SHANK2: variants seen among roughly 807,000 people sequenced by gnomAD.
The protein encoded by SHANK2 is SH3 and multiple ankyrin repeat domains protein 2.
SHANK2 carries 43 observed loss-of-function variants against 133.7 expected under a neutral mutation model. The ratio of observed to expected loss-of-function variants is 0.32; its 90% CI spans 0.25 to 0.41. SHANK2 has a LOEUF of 0.41. Ranked by LOEUF, SHANK2 falls within the 10% of genes least tolerant of loss-of-function variation. SHANK2 has a pLI of 1.00. For missense variants in SHANK2, 1,994 were observed against 2,235.8 expected (o/e 0.89, Z 2.18); for synonymous variants, 1,017 against 952.8 (o/e 1.07, Z -1.24).
In SHANK2 at chr11:70,804,352, G is replaced by T. The variant is rs985762097; in HGVS notation, c.1663+2650C>A. Among the ~76,000 whole-genome samples, 1 of 152,230 alleles carries T rather than the reference G, an allele frequency of 6.6e-6. No homozygotes were observed. The highest frequency in any genetic ancestry group is 1.5e-5 in the Non-Finnish European group (1 of 68,034). On this transcript the variant is annotated intron_variant, in intron 13 of 25. Coordinates refer to ENST00000601538, the MANE Select transcript of SHANK2 (RefSeq NM_012309.5). The surrounding 1 kb of genome is among the most constrained non-coding windows in gnomAD (Gnocchi z 4.1). ...CGACAGCTCGGCAGGAAGGAAGAGC[G>T]GTGCCACTGGCAGCAGGAAGGGGCT...
At chr11:70,616,692 G>A (rs1411356857) in intron 17 of SHANK2, among the ~76,000 whole-genome samples, 1 of 152,170 alleles carries the variant, frequency 6.6e-6, no homozygotes, top group Non-Finnish European at 1.5e-5. Flanking sequence ...GGGATCTGAG[G>A]CCTCCGGAGG....
At chr11:70,675,432 C>T (rs2134352872) in intron 15 of SHANK2, among the ~76,000 whole-genome samples, 1 of 152,292 alleles carries the variant, frequency 6.6e-6, no homozygotes, top group African/African-American at 2.4e-5. Flanking sequence ...GTGATTTGCA[C>T]CAGAACACAG....
At chr11:70,504,851 C>A (rs566784087) in intron 17 of SHANK2, among the ~76,000 whole-genome samples, 57 of 152,232 alleles carry the variant, frequency 3.7e-4, no homozygotes, top group African/African-American at 1.3e-3. Flanking sequence ...TACAGACAGG[C>A]AACCGAACAC....
chr11:71,152,394 G>A lies in SHANK2; in HGVS notation c.-12-5056C>T, dbSNP rs1307556094. Among the ~76,000 whole-genome samples the A allele has an allele frequency of 2.5e-4, 38 of 152,300 alleles. No homozygotes were observed. The East Asian group carries it at 2.5e-3, about 10-fold the overall frequency. ...CTCCCAAAGTGTTGGGATTACAGGCGTGAGCCACCGCGCCTGGCCAGAAAT... is the reference window on the plus strand; with the variant it reads ...CTCCCAAAGTGTTGGGATTACAGGCATGAGCCACCGCGCCTGGCCAGAAAT... On this transcript the variant is annotated intron_variant, in intron 2 of 25. Coordinates refer to ENST00000601538, the MANE Select transcript of SHANK2 (RefSeq NM_012309.5).
chr11:70,943,920 T>C (rs1950683063), intron 10 of SHANK2: 1 of 456,510 alleles, frequency 2.2e-6, no homozygotes, highest in Non-Finnish European at 4.4e-6. Flanking sequence ...CCGTCTTGAT[T>C]TCCTTCTGTT....
At chr11:70,540,608 C>G (rs1456640012) in intron 17 of SHANK2, among the ~76,000 whole-genome samples, 1 of 152,156 alleles carries the variant, frequency 6.6e-6, no homozygotes, top group African/African-American at 2.4e-5. Context: ...TCAGCCCCAC[C>G]CAGGGCTGCA....
chr11:71,202,070 C>T lies in SHANK2; in HGVS notation c.-13+22627G>A, dbSNP rs143165036. ...AGGAGGGGTGTGCCCACATGGCTCA[C>T]GGGTACACAGTAGGTGCTTAATCAC... On this transcript the variant is annotated intron_variant, in intron 2 of 25. Transcript: ENST00000601538. Among the ~76,000 whole-genome samples, 10 of 152,338 alleles carry T rather than the reference C, an allele frequency of 6.6e-5. 1 individual carries two copies. Among genetic ancestry groups the T allele is most frequent in the Admixed American group, 3.3e-4 (5 of 15,304 alleles).
chr11:70,529,387 C>T (rs760654630), intron 17 of SHANK2, among the ~76,000 whole-genome samples: 2 of 152,212 alleles, frequency 1.3e-5, no homozygotes, highest in Admixed American at 6.5e-5. Context: ...GCAGTGGAAC[C>T]GGGCAGTTGG....
chr11:70,858,416 G>C (rs1198019871), intron 11 of SHANK2, among the ~76,000 whole-genome samples: 1 of 152,156 alleles, frequency 6.6e-6, no homozygotes, highest in East Asian at 1.9e-4. Context: ...GCCTCCTGTA[G>C]TCTTTGCCAT....
In SHANK2 at chr11:70,804,433, C is replaced by T. The variant is rs1166553345; in HGVS notation, c.1663+2569G>A. On this transcript the variant is annotated intron_variant, in intron 13 of 25. Transcript: ENST00000601538. The surrounding 1 kb of genome is among the most constrained non-coding windows in gnomAD (Gnocchi z 4.1). The stretch of plus-strand genomic sequence containing the variant: ...GGCCCACTCGAATCTCTTTTCAGAA[C>T]AGCAGTCCTTTGCCATCGATCCTTT... Among the ~76,000 whole-genome samples, 1 of 152,240 alleles carries T rather than the reference C, an allele frequency of 6.6e-6. No homozygotes were observed. The highest frequency in any genetic ancestry group is 1.5e-5 in the Non-Finnish European group (1 of 68,040).
At chr11:70,943,583 T>A (rs1322391374) in intron 10 of SHANK2, among the ~76,000 whole-genome samples, 1 of 152,034 alleles carries the variant, frequency 6.6e-6, no homozygotes. Context: ...GGACAGGGGC[T>A]GAGGAGGCAG....
chr11:70,577,825 G>A (rs991126528), intron 17 of SHANK2, among the ~76,000 whole-genome samples: 1 of 152,200 alleles, frequency 6.6e-6, no homozygotes, highest in East Asian at 1.9e-4. Context: ...TGCAGATAGG[G>A]CCTTGAAAGA....
In SHANK2 at chr11:70,487,231, T is replaced by TTGG; in HGVS notation, c.3061_3062insCCA (p.Asp1021delinsAlaAsn). ...GATGGAGCACGTCTTCTCGGGGCTG[T>TTGG]CCTCCACGTTGGACTGCTTCACCAG... is the stretch of plus-strand genomic sequence containing the variant. On this transcript the variant is annotated protein_altering_variant, in exon 25 of 26. Coordinates refer to ENST00000601538, the MANE Select transcript of SHANK2 (RefSeq NM_012309.5). This position sits in a 1 kb window ranked among gnomAD's most constrained non-coding sequence, Gnocchi z 5.8. 6.2e-7 allele frequency: 1 copy of TTGG among 1,614,112 alleles called. No homozygotes were observed. Among genetic ancestry groups the TTGG allele is most frequent in the Non-Finnish European group, 8.5e-7 (1 of 1,180,028 alleles).
chr11:70,595,267 C>A (rs1554989205), intron 17 of SHANK2, among the ~76,000 whole-genome samples: 1 of 152,204 alleles, frequency 6.6e-6, no homozygotes, highest in East Asian at 1.9e-4. Flanking sequence ...TCCACCCCGA[C>A]CCCCTCTCAG....
At chr11:70,761,028 T>C (rs1413416770) in intron 14 of SHANK2, among the ~76,000 whole-genome samples, 1 of 151,844 alleles carries the variant, frequency 6.6e-6, no homozygotes, top group Non-Finnish European at 1.5e-5. Flanking sequence ...GCAGGTCGGG[T>C]GGGAGAGGCC....
rs1237936150 is a variant in SHANK2, at chr11:70,830,062, T to A, written c.1175-9380A>T. Among the ~76,000 whole-genome samples, 10 of 152,138 alleles carry A rather than the reference T, an allele frequency of 6.6e-5. No individual in the cohort carries two copies. The highest frequency in any genetic ancestry group is 2.4e-4 in the African/African-American group (10 of 41,444). On this transcript the variant is annotated intron_variant, in intron 11 of 25. Coordinates refer to ENST00000601538, the MANE Select transcript of SHANK2 (RefSeq NM_012309.5). The surrounding 1 kb of genome is among the most constrained non-coding windows in gnomAD (Gnocchi z 4.4). Reference sequence around the variant, plus strand: ...ACCCACCACTTGCCCCCTTCCCTGGTGGGTGCAGACCACTTCCTCATTTGC... The same window carrying A: ...ACCCACCACTTGCCCCCTTCCCTGGAGGGTGCAGACCACTTCCTCATTTGC...
rs921799154 is a variant in SHANK2 at position 71,231,019 on chromosome 11, T to C, written c.-112-6223A>G. Among the ~76,000 whole-genome samples the C allele has an allele frequency of 2.6e-5, 4 of 152,182 alleles. No homozygotes were observed. In the East Asian group the frequency reaches 5.8e-4, roughly 22 times the overall value. On this transcript the variant is annotated intron_variant, in intron 1 of 25. Transcript: ENST00000601538. ...GATCTAGAGACAGGAAATGAGTTCA[T>C]AGACCCAATGTAAAAAGCACAATCC... is the stretch of plus-strand genomic sequence containing the variant.
chr11:71,127,967 T>G (rs1319536443), intron 3 of SHANK2, among the ~76,000 whole-genome samples: 1 of 152,184 alleles, frequency 6.6e-6, no homozygotes, highest in Non-Finnish European at 1.5e-5. Context: ...CCTCTCCGCG[T>G]CTGCCGGCTG....
intron 11 of SHANK2, among the ~76,000 whole-genome samples, chr11:70,843,356 G>A (rs1262853594): frequency 6.6e-6 from 1 of 151,930 alleles, no homozygotes; most frequent in Non-Finnish European, 1.5e-5. Flanking sequence ...GTGGGCCCCA[G>A]GAGGAGGAAG....
Sources: allele counts gnomAD v4.1 joint callset (sites outside exome capture counted in the v4.1 genomes callset), GRCh38; gene constraint gnomAD v4.1.1; non-coding constraint Gnocchi (gnomAD v3.1); transcripts MANE v1.5; gene names NCBI Gene and HGNC (gene_info 2026-07-23, HGNC 2026-07-21).